DDX6: variants seen among roughly 807,000 people sequenced by gnomAD.
The protein encoded by DDX6 is DEAD-box helicase 6, also known as probable ATP-dependent RNA helicase DDX6.
DDX6 carries 7 observed loss-of-function variants against 60.6 expected under a neutral mutation model. The observed-to-expected ratio is 0.12, with a 90% CI of 0.07 to 0.22. The LOEUF is 0.22. Ranked by LOEUF, DDX6 falls within the 10% of genes least tolerant of loss-of-function variation. DDX6 has a pLI of 1.00. For synonymous variants in DDX6, 207 were observed against 201.0 expected, an observed-to-expected ratio of 1.03 and a Z score of -0.25; for missense variants, 270 against 589.9, an observed-to-expected ratio of 0.46 and a Z score of 5.62.
chr11:118,775,987 AAAAACAAAAAAC>A (rs1451032502), intron 4 of DDX6, among the ~76,000 whole-genome samples: 4 of 151,980 alleles, frequency 2.6e-5, no homozygotes, highest in Non-Finnish European at 5.9e-5. Flanking sequence ...AAACAAAAAC[AAAAACAAAAAAC>A]AACCAGGTGT....
At chr11:118,771,834 C>T (rs1591909141) in intron 4 of DDX6, among the ~76,000 whole-genome samples, 1 of 152,226 alleles carries the variant, frequency 6.6e-6, no homozygotes, top group African/African-American at 2.4e-5. Flanking sequence ...AACTCTCATA[C>T]ACTGCTAGTG....
intron 1 of DDX6, chr11:118,787,917 T>G (rs1042398449): frequency 1.3e-5 from 2 of 150,124 alleles, no homozygotes; most frequent in Non-Finnish European, 3.0e-5. Context: ...AATTCCTGTT[T>G]AAAAAAAAAT....
chr11:118,765,636 G>A (rs927926902), intron 5 of DDX6, among the ~76,000 whole-genome samples: 1 of 151,988 alleles, frequency 6.6e-6, no homozygotes, highest in East Asian at 1.9e-4. Context: ...TTATCCAGGC[G>A]TGGTGGCACG....
chr11:118,748,369 T>C lies in DDX6; in HGVS notation c.*3736A>G, dbSNP rs1860632045. 6.6e-6 allele frequency: 1 copy of C among 152,170 alleles called. No individual in the cohort carries two copies. The allele number at this position is 152,170 out of a possible 1,614,324, so 9.4% of individuals were successfully genotyped here. The stretch of plus-strand genomic sequence containing the variant: ...GATCAGAAAGGAGAGCAGATTTTCT[T>C]TGGGAGTTTTAAAAAACTATCTTTA... On this transcript the variant is annotated 3_prime_UTR_variant, in exon 14 of 14. Coordinates refer to ENST00000534980, the MANE Select transcript of DDX6 (RefSeq NM_004397.6).
chr11:118,763,667 C>T (rs1555160757), intron 6 of DDX6, among the ~76,000 whole-genome samples: 1 of 151,806 alleles, frequency 6.6e-6, no homozygotes, highest in African/African-American at 2.4e-5. Context: ...AACCCTGTCT[C>T]TACTAAAAAT....
rs2137384251 is a variant in DDX6, at chr11:118,750,106, A to G, written c.*1999T>C. On this transcript the variant is annotated 3_prime_UTR_variant, in exon 14 of 14. Coordinates refer to ENST00000534980, the MANE Select transcript of DDX6 (RefSeq NM_004397.6). Reference sequence around the variant, plus strand: ...CTTTGTCCAAAAGAGTTAAAACATTAAAGTATATGCGGGACTTATTTTGTA... The same window carrying G: ...CTTTGTCCAAAAGAGTTAAAACATTGAAGTATATGCGGGACTTATTTTGTA... 1 of 152,762 alleles carries G rather than the reference A, an allele frequency of 6.5e-6. No homozygotes were observed. The highest frequency in any genetic ancestry group is 1.9e-4 in the East Asian group (1 of 5,192). 9.5% of individuals were successfully genotyped at this position (152,762 alleles called of 1,614,324 possible).
chr11:118,787,012 A>G (rs1232708509), intron 1 of DDX6: 3 of 152,170 alleles, frequency 2.0e-5, no homozygotes, highest in East Asian at 1.9e-4. Context: ...CCAGAAAAAA[A>G]CACCTTTGTG....
At chr11:118,779,765 A>T in intron 3 of DDX6, 29 bp from the exon 4 acceptor site, 1 of 1,478,566 alleles carries the variant, frequency 6.8e-7, no homozygotes, top group Non-Finnish European at 9.3e-7. Context: ...ACAATAAAAG[A>T]ATAAATAACA....
Position 118,755,513 on chromosome 11 carries a change from A to G in DDX6, c.1175-10T>C, listed in dbSNP as rs781935311. The G allele has an allele frequency of 8.8e-6, 13 of 1,471,326 alleles. No homozygotes were observed. Among genetic ancestry groups the G allele is most frequent in the Non-Finnish European group, 1.0e-5 (11 of 1,057,346 alleles). 91.1% of individuals were successfully genotyped at this position (1,471,326 alleles called of 1,614,324 possible). A position where few individuals can be genotyped will look rare whatever the true frequency, so the allele number is the denominator to read the frequency against. On this transcript the variant is annotated splice_polypyrimidine_tract_variant and intron_variant, in intron 11 of 13. Coordinates refer to ENST00000534980, the MANE Select transcript of DDX6 (RefSeq NM_004397.6). ...CCTCGGGTAAACAGATCTTAAAAAA[A>G]AAAAGATAATTTTCATTTTTTCAAT... is the stretch of plus-strand genomic sequence containing the variant.
At chr11:118,758,715 A>G in intron 9 of DDX6, 59 bp downstream of exon 9, 1 of 1,584,352 alleles carries the variant, frequency 6.3e-7, no homozygotes, top group Non-Finnish European at 8.6e-7. Context: ...AATTGATGAA[A>G]TCATCTGTTT....
At chr11:118,775,066 G>C (rs1226603616) in intron 4 of DDX6, among the ~76,000 whole-genome samples, 1 of 152,156 alleles carries the variant, frequency 6.6e-6, no homozygotes, top group African/African-American at 2.4e-5. Context: ...TGTAATTCCA[G>C]TACTTTGGGA....
At position 118,749,417 on chromosome 11, in the gene DDX6, C is replaced by T. The variant is rs1860677685; in HGVS notation, c.*2688G>A. The stretch of plus-strand genomic sequence containing the variant: ...TGACCTAGTCCTCAGAGCATCTTTC[C>T]ATTTAACAATTCCTATTCAAGAGTC... On this transcript the variant is annotated 3_prime_UTR_variant, in exon 14 of 14. Coordinates refer to ENST00000534980, the MANE Select transcript of DDX6 (RefSeq NM_004397.6). The T allele has an allele frequency of 6.9e-6, 1 of 144,644 alleles. No homozygotes were observed. Among genetic ancestry groups the T allele is most frequent in the African/African-American group, 2.5e-5 (1 of 39,394 alleles). 9.0% of individuals were successfully genotyped at this position (144,644 alleles called of 1,614,324 possible). A position where few individuals can be genotyped will look rare whatever the true frequency, so the allele number is the denominator to read the frequency against.
chr11:118,772,694 A>G (rs1861574080), intron 4 of DDX6, among the ~76,000 whole-genome samples: 1 of 152,170 alleles, frequency 6.6e-6, no homozygotes, highest in South Asian at 2.1e-4. Context: ...CCAACCCCAC[A>G]AGCTTAGGGC....
chr11:118,762,284 A>AT (rs567961329), intron 7 of DDX6, among the ~76,000 whole-genome samples: 5,145 of 149,428 alleles, frequency 0.034, 111 homozygotes, highest in Non-Finnish European at 0.045. Context: ...AAAAAAAAAA[A>AT]AATAATAATA....
intron 5 of DDX6, among the ~76,000 whole-genome samples, chr11:118,766,963 G>A (rs2137469431): frequency 6.6e-6 from 1 of 151,482 alleles, no homozygotes; most frequent in South Asian, 2.1e-4. Context: ...TTGGCTGACT[G>A]CAACCTCCAC....
chr11:118,790,291 A>T (rs1379418100), intron 1 of DDX6: 1 of 152,080 alleles, frequency 6.6e-6, no homozygotes, highest in Non-Finnish European at 1.5e-5. Flanking sequence ...CATAAACACA[A>T]AAGGTTGGGG....
chr11:118,772,717 C>T (rs948099098), intron 4 of DDX6, among the ~76,000 whole-genome samples: 4 of 152,198 alleles, frequency 2.6e-5, no homozygotes, highest in African/African-American at 9.6e-5. Context: ...ACATCTGCCA[C>T]CTTAGGTCTC....
At chr11:118,774,371 G>A (rs1336696994) in intron 4 of DDX6, among the ~76,000 whole-genome samples, 1 of 151,880 alleles carries the variant, frequency 6.6e-6, no homozygotes, top group Non-Finnish European at 1.5e-5. Flanking sequence ...GAAATACGTT[G>A]TGGGAGCAAT....
At chr11:118,767,626 C>CA (rs781894317) in intron 5 of DDX6, 4 of 88,738 alleles carry the variant, frequency 4.5e-5, no homozygotes, top group African/African-American at 1.9e-4. Flanking sequence ...CCTCAGCCGC[C>CA]TTTTTTTTTT....
Sources: gnomAD v4.1 joint callset for allele counts (sites outside exome capture counted in the v4.1 genomes callset) on GRCh38, gnomAD v4.1.1 for gene constraint, MANE v1.5 for transcripts, NCBI Gene and HGNC (gene_info 2026-07-23, HGNC 2026-07-21) for gene names.